PSME4: variants seen among roughly 807,000 people sequenced by gnomAD.
PSME4 encodes proteasome activator complex subunit 4.
In PSME4, 89 loss-of-function variants were observed where a neutral mutation model predicts 253.9. The observed-to-expected ratio is 0.35, with a 90% CI of 0.30 to 0.42. The LOEUF (loss-of-function observed/expected upper bound fraction) is 0.42, where lower values mean the gene tolerates loss of function less well. PSME4 is among the 10% of genes least tolerant of loss of function. PSME4 has a pLI of 1.00. For missense variants in PSME4, 2,014 were observed against 2,195.2 expected, an observed-to-expected ratio of 0.92 and a Z score of 1.65; for synonymous variants, 851 against 759.2, an observed-to-expected ratio of 1.12 and a Z score of -1.99.
In PSME4 at chr2:53,925,582, G is replaced by A; in HGVS notation, c.1766C>T (p.Thr589Met). The A allele has an allele frequency of 6.2e-7, 1 of 1,605,226 alleles. No homozygotes were observed. The highest frequency in any genetic ancestry group is 8.5e-7 in the Non-Finnish European group (1 of 1,172,748). ...ESLVELGLSS[T>M]FSTILTQCSK... The stretch of plus-strand genomic sequence containing the variant: ...ACATTGGGTGAGGATTGTACTAAAC[G>A]TAGAAGACAGACCTAATTCGACCAA... Residue 589 changes from threonine to methionine, a missense_variant, in exon 14 of 47, where the codon ACG (threonine) becomes ATG (methionine). By Grantham distance (81) the Thr-to-Met change is moderately conservative (BLOSUM62 -1). Coordinates refer to ENST00000404125, the MANE Select transcript of PSME4 (RefSeq NM_014614.3).
intron 42 of PSME4, among the ~76,000 whole-genome samples, chr2:53,875,233 G>C (rs563255771): frequency 1.3e-5 from 2 of 152,300 alleles, no homozygotes; most frequent in African/African-American, 4.8e-5. Context: ...TGACCATACA[G>C]TATACCAACA....
intron 3 of PSME4, among the ~76,000 whole-genome samples, chr2:53,940,970 T>TAA (rs1558413968): frequency 3.6e-4 from 24 of 67,062 alleles, no homozygotes; most frequent in African/African-American, 1.1e-3. Flanking sequence ...TATATATATA[T>TAA]ATATATATAT....
intron 17 of PSME4, among the ~76,000 whole-genome samples, chr2:53,921,935 G>C (rs1332790771): frequency 6.6e-6 from 1 of 151,084 alleles, no homozygotes; most frequent in Non-Finnish European, 1.5e-5. Context: ...CACTTTGGGA[G>C]GCTGAGGCAG....
At chr2:53,885,664 C>T (rs1238052098) in intron 41 of PSME4, 26 bp downstream of exon 41, 2 of 1,528,398 alleles carry the variant, frequency 1.3e-6, no homozygotes, top group East Asian at 2.3e-5. Flanking sequence ...AAAGGAGATG[C>T]ATTCTTAATT....
chr2:53,967,996 G>C (rs569791070), intron 1 of PSME4, among the ~76,000 whole-genome samples: 1 of 152,190 alleles, frequency 6.6e-6, no homozygotes, highest in South Asian at 2.1e-4. Flanking sequence ...GTCCAGGCCG[G>C]GTGCGGTGGC....
chr2:53,927,365 G>A (rs759954759), intron 12 of PSME4, 29 bp downstream of exon 12: 23 of 1,414,506 alleles, frequency 1.6e-5, no homozygotes, highest in Non-Finnish European at 2.3e-5. Flanking sequence ...GAACATCTTA[G>A]CCCTTTTATA....
intron 10 of PSME4, among the ~76,000 whole-genome samples, chr2:53,931,093 C>T (rs1031779572): frequency 6.6e-6 from 1 of 152,142 alleles, no homozygotes; most frequent in African/African-American, 2.4e-5. Flanking sequence ...GCCTGGCCAA[C>T]ATGGTGAAAC....
At chr2:53,966,314 C>G (rs984551775) in intron 1 of PSME4, among the ~76,000 whole-genome samples, 6 of 151,976 alleles carry the variant, frequency 3.9e-5, no homozygotes, top group African/African-American at 1.5e-4. Flanking sequence ...ATAAAACACT[C>G]CACTACTTAA....
intron 32 of PSME4, 59 bp from the exon 33 acceptor site, chr2:53,895,795 C>A: frequency 2.1e-6 from 3 of 1,441,472 alleles, no homozygotes; most frequent in Non-Finnish European, 2.8e-6. Context: ...CAATTATTAC[C>A]AAATTTCAAT....
intron 34 of PSME4, 89 bp downstream of exon 34, chr2:53,894,918 A>G (rs907984357): frequency 5.1e-6 from 6 of 1,174,162 alleles, no homozygotes; most frequent in Non-Finnish European, 7.3e-6. Flanking sequence ...ATTAAGAAAA[A>G]AAAGAAGAAG....
intron 3 of PSME4, among the ~76,000 whole-genome samples, chr2:53,942,006 T>C (rs1266495691): frequency 6.6e-6 from 1 of 152,150 alleles, no homozygotes; most frequent in Non-Finnish European, 1.5e-5. Flanking sequence ...ATTATAACAC[T>C]TGATAGAGTC....
chr2:53,956,037 G>C (rs1347286927), intron 1 of PSME4, among the ~76,000 whole-genome samples: 4 of 151,374 alleles, frequency 2.6e-5, no homozygotes, highest in Non-Finnish European at 5.9e-5. Context: ...GACTGAGACA[G>C]GCAGATGGTT....
At chr2:53,950,995 T>G (rs805449) in intron 1 of PSME4, among the ~76,000 whole-genome samples, 34,121 of 152,154 alleles carry the variant, frequency 0.22, 4,198 homozygotes, top group South Asian at 0.32. Flanking sequence ...ATTAAATATG[T>G]AAGTCAACGG....
intron 1 of PSME4, among the ~76,000 whole-genome samples, chr2:53,956,720 C>T (rs1670254676): frequency 6.6e-6 from 1 of 151,330 alleles, no homozygotes; most frequent in South Asian, 2.1e-4. Flanking sequence ...TTACAGGAGC[C>T]CACCACCATG....
intron 20 of PSME4, among the ~76,000 whole-genome samples, chr2:53,913,630 A>G (rs915908203): frequency 1.3e-5 from 2 of 152,206 alleles, no homozygotes; most frequent in Admixed American, 6.5e-5. Flanking sequence ...AGTTAGGCCT[A>G]TTTTTGTGTT....
At chr2:53,879,001 T>A (rs531298868) in intron 41 of PSME4, among the ~76,000 whole-genome samples, 4 of 152,252 alleles carry the variant, frequency 2.6e-5, no homozygotes, top group African/African-American at 9.6e-5. Context: ...CTCAGGGGCA[T>A]CAAGGAACCT....
At chr2:53,876,363 T>C (rs561220405) in intron 41 of PSME4, among the ~76,000 whole-genome samples, 5 of 152,320 alleles carry the variant, frequency 3.3e-5, no homozygotes, top group African/African-American at 1.2e-4. Flanking sequence ...CCTTTGCTGA[T>C]TGCATCCCTG....
intron 27 of PSME4, among the ~76,000 whole-genome samples, chr2:53,902,117 A>G (rs1680430263): frequency 6.6e-6 from 1 of 152,224 alleles, no homozygotes; most frequent in African/African-American, 2.4e-5. Context: ...TAAGGTAATA[A>G]AGAAATGGAA....
chr2:53,967,406 T>C (rs898004724), intron 1 of PSME4, among the ~76,000 whole-genome samples: 1 of 151,554 alleles, frequency 6.6e-6, no homozygotes, highest in East Asian at 1.9e-4. Context: ...ATCCCGCACT[T>C]TGGGAGGCCG....
Sources: allele counts gnomAD v4.1 joint callset (sites outside exome capture counted in the v4.1 genomes callset), GRCh38; gene constraint gnomAD v4.1.1; transcripts MANE v1.5; gene names NCBI Gene and HGNC (gene_info 2026-07-23, HGNC 2026-07-21).